Variants in CAMKMT observed in about 807,000 individuals in gnomAD.
CAMKMT encodes calmodulin-lysine N-methyltransferase, also known as CaM KMT.
A neutral mutation model predicts 48.0 loss-of-function variants in CAMKMT; 53 were observed. That is an observed-to-expected ratio of 1.10 (90% CI 0.89 to 1.39). The LOEUF (loss-of-function observed/expected upper bound fraction) is 1.39. Ranked by LOEUF, CAMKMT falls within the 40% of genes most tolerant of loss-of-function variation. The pLI, the probability that CAMKMT is intolerant of heterozygous loss-of-function variation, is 0.00. For missense variants in CAMKMT, 428 were observed against 402.7 expected, an observed-to-expected ratio of 1.06 and a Z score of -0.54; for synonymous variants, 165 against 152.3, an observed-to-expected ratio of 1.08 and a Z score of -0.61.
Position 44,496,888 on chromosome 2 carries a change from G to A in CAMKMT, c.376+106583G>A, listed in dbSNP as rs186558128. Among the ~76,000 whole-genome samples, 11 of 152,260 alleles carry A rather than the reference G, an allele frequency of 7.2e-5. No homozygotes were observed. In the East Asian group the frequency reaches 9.6e-4, roughly 13 times the overall value. ...CTTGTAGGTAAAAACGTTTAGAGCT[G>A]CTGGCAGTGTTTTTTGTTGGGATCA... On this transcript the variant is annotated intron_variant, in intron 3 of 10. Coordinates refer to ENST00000378494, the MANE Select transcript of CAMKMT (RefSeq NM_024766.5).
chr2:44,695,521 T>C (rs1316524963), intron 3 of CAMKMT, among the ~76,000 whole-genome samples: 1 of 152,160 alleles, frequency 6.6e-6, no homozygotes, highest in African/African-American at 2.4e-5. Context: ...TGTCTTGGAT[T>C]CCAGAACTGT....
At chr2:44,513,164 G>T (rs1259873769) in intron 3 of CAMKMT, among the ~76,000 whole-genome samples, 1 of 152,052 alleles carries the variant, frequency 6.6e-6, no homozygotes, top group East Asian at 1.9e-4. Flanking sequence ...CCCTCAGGCC[G>T]CTCTTCTGTG....
rs143120878 is a variant in CAMKMT at position 44,407,728 on chromosome 2, G to A, written c.376+17423G>A. Among the ~76,000 whole-genome samples the A allele has an allele frequency of 5.9e-4, 90 of 152,340 alleles. 1 individual carries two copies. In the East Asian group the frequency reaches 0.012, roughly 20 times the overall value. ...GGATTAGGACTTAGATGGGCAGACT[G>A]AAGGCAAGAGGGCATCTTGGGTAGG... On this transcript the variant is annotated intron_variant, in intron 3 of 10. Transcript: ENST00000378494.
intron 3 of CAMKMT, among the ~76,000 whole-genome samples, chr2:44,532,817 GT>G (rs371505482): frequency 9.6e-4 from 140 of 145,962 alleles, no homozygotes; most frequent in Middle Eastern, 3.5e-3. Flanking sequence ...TGCCATTAAA[GT>G]TTTTTTTTTT....
chr2:44,643,999 T>C (rs1470775201), intron 3 of CAMKMT, among the ~76,000 whole-genome samples: 4 of 152,218 alleles, frequency 2.6e-5, no homozygotes, highest in East Asian at 1.9e-4. Flanking sequence ...TGATTACACC[T>C]TGTGACAAAA....
At chr2:44,680,550 C>A (rs556901656) in intron 3 of CAMKMT, among the ~76,000 whole-genome samples, 3 of 152,152 alleles carry the variant, frequency 2.0e-5, no homozygotes, top group Admixed American at 6.5e-5. Context: ...CATTTTGATT[C>A]GTCACATGTG....
intron 3 of CAMKMT, among the ~76,000 whole-genome samples, chr2:44,677,879 G>C (rs900474121): frequency 1.3e-5 from 2 of 152,122 alleles, no homozygotes; most frequent in Non-Finnish European, 2.9e-5. Flanking sequence ...GTGTGTGTGA[G>C]AGTCAATGTG....
At position 44,533,970 on chromosome 2, in the gene CAMKMT, C is replaced by T. The variant is rs546170095; in HGVS notation, c.376+143665C>T. Among the ~76,000 whole-genome samples the T allele has an allele frequency of 6.6e-5, 10 of 152,248 alleles. No homozygotes were observed. In the East Asian group the frequency reaches 1.9e-3, roughly 29 times the overall value. On this transcript the variant is annotated intron_variant, in intron 3 of 10. Transcript: ENST00000378494. ...TTACAAAACATTACCTAACTATATG[C>T]TGCCTACAAGAAACTCACTTCACCT...
chr2:44,636,824 G>A (rs911422012), intron 3 of CAMKMT, among the ~76,000 whole-genome samples: 2 of 152,038 alleles, frequency 1.3e-5, no homozygotes, highest in Admixed American at 1.3e-4. Context: ...TGTTTTTGTC[G>A]GTTTCCCCCC....
chr2:44,383,515 G>A (rs1022787745), intron 2 of CAMKMT, among the ~76,000 whole-genome samples: 1 of 151,984 alleles, frequency 6.6e-6, no homozygotes, highest in Non-Finnish European at 1.5e-5. Context: ...AGTTATTGGG[G>A]TATAGGTGGT....
chr2:44,398,810 T>C (rs1415820382), intron 3 of CAMKMT, among the ~76,000 whole-genome samples: 1 of 152,178 alleles, frequency 6.6e-6, no homozygotes, highest in Non-Finnish European at 1.5e-5. Flanking sequence ...TTGACATTTA[T>C]ATGAACTGTG....
Position 44,593,763 on chromosome 2 carries a change from C to CT in CAMKMT, c.377-110503dup, listed in dbSNP as rs61603790. Among the ~76,000 whole-genome samples the CT allele has an allele frequency of 4.5e-3, 555 of 122,664 alleles. 7 individuals carry two copies. Among genetic ancestry groups the CT allele is most frequent in the African/African-American group, 0.012 (391 of 31,918 alleles). The allele number at this position is 122,664 out of a possible 152,430, so 80.5% of individuals were successfully genotyped here. On this transcript the variant is annotated intron_variant, in intron 3 of 10. Coordinates refer to ENST00000378494, the MANE Select transcript of CAMKMT (RefSeq NM_024766.5). ...GGGAATTTTTGAAAAAGACAACTTC[C>CT]TTTTTTTTTTTTTTTTTGAGGCGGA...
At chr2:44,532,817 G>GATTTT (rs763213732) in intron 3 of CAMKMT, among the ~76,000 whole-genome samples, 2 of 146,082 alleles carry the variant, frequency 1.4e-5, no homozygotes, top group Non-Finnish European at 1.5e-5. Flanking sequence ...TGCCATTAAA[G>GATTTT]TTTTTTTTTT....
chr2:44,519,720 G>A (rs12185730), intron 3 of CAMKMT, among the ~76,000 whole-genome samples: 81,906 of 151,948 alleles, frequency 0.54, 22,662 homozygotes, highest in Non-Finnish European at 0.59. Context: ...ACTATGTGCC[G>A]GGCACTGTGC....
intron 3 of CAMKMT, among the ~76,000 whole-genome samples, chr2:44,527,334 T>G (rs1222310464): frequency 2.8e-5 from 4 of 143,822 alleles, no homozygotes; most frequent in African/African-American, 1.0e-4. Flanking sequence ...TATACATATA[T>G]AATACATATA....
chr2:44,730,180 C>T (rs905019314), intron 7 of CAMKMT, among the ~76,000 whole-genome samples: 1 of 152,156 alleles, frequency 6.6e-6, no homozygotes, highest in Non-Finnish European at 1.5e-5. Context: ...GAGCTTAAAG[C>T]GTGAGTGTGT....
chr2:44,472,318 G>A (rs1288063874), intron 3 of CAMKMT, among the ~76,000 whole-genome samples: 2 of 152,042 alleles, frequency 1.3e-5, no homozygotes, highest in African/African-American at 2.4e-5. Context: ...TTTAATCAGT[G>A]TATGAAATTT....
intron 9 of CAMKMT, among the ~76,000 whole-genome samples, chr2:44,755,425 T>A (rs1398221138): frequency 6.6e-6 from 1 of 152,140 alleles, no homozygotes; most frequent in Non-Finnish European, 1.5e-5. Flanking sequence ...AGACTAGGAT[T>A]TTCAGGGGCG....
intron 3 of CAMKMT, among the ~76,000 whole-genome samples, chr2:44,681,907 C>A (rs1306738707): frequency 6.6e-6 from 1 of 152,176 alleles, no homozygotes; most frequent in Non-Finnish European, 1.5e-5. Context: ...TCAAGATATA[C>A]ATGTGACTGT....
Sources: gnomAD v4.1 joint callset for allele counts (sites outside exome capture counted in the v4.1 genomes callset) on GRCh38, gnomAD v4.1.1 for gene constraint, MANE v1.5 for transcripts, NCBI Gene and HGNC (gene_info 2026-07-23, HGNC 2026-07-21) for gene names.